SCO2: variants seen among roughly 807,000 people sequenced by gnomAD.
The protein encoded by SCO2 is cytochrome c oxidase assembly factor SCO2.
For synonymous variants in SCO2, 195 were observed against 148.6 expected, an observed-to-expected ratio of 1.31 and a Z score of -2.27; for missense variants, 429 against 348.7, an observed-to-expected ratio of 1.23 and a Z score of -1.83.
chr22:50,525,153 C>A (rs1316090271), intron 1 of SCO2, among the ~76,000 whole-genome samples: 1 of 152,242 alleles, frequency 6.6e-6, no homozygotes, highest in Non-Finnish European at 1.5e-5. Flanking sequence ...CTGCTGAGGG[C>A]ACCCTCCCGA....
At chr22:50,524,816 AACCGAT>A in intron 1 of SCO2, 1 of 382,348 alleles carries the variant, frequency 2.6e-6, no homozygotes, top group South Asian at 1.9e-5. Context: ...CCCCGAGAGC[AACCGAT>A]TCCTCCAACA....
chr22:50,525,825 G>T, upstream of SCO2: 1 of 1,609,938 alleles, frequency 6.2e-7, no homozygotes, highest in Non-Finnish European at 8.5e-7. Flanking sequence ...GGCGAATGGC[G>T]CGCGGTCGGA....
Position 50,524,180 on chromosome 22 carries a change from G to C in SCO2, c.232C>G (p.Leu78Val), listed in dbSNP as rs149244312. Reference protein sequence around the residue: ...GAGLGGAWLALRAEKERLQQQ... With the variant: ...GAGLGGAWLAVRAEKERLQQQ... The stretch of plus-strand genomic sequence containing the variant: ...TGCAGCCTCTCCTTCTCAGCCCTCA[G>C]GGCCAGCCAGGCCCCACCGAGTCCA... The change falls in exon 2 of 2, where the codon CTG (leucine) becomes GTG (valine). Residue 78 changes from leucine (L) to valine (V), a missense_variant. Transcript: ENST00000395693. The C allele has an allele frequency of 1.2e-6, 2 of 1,609,370 alleles. No individual in the cohort carries two copies. Among genetic ancestry groups the C allele is most frequent in the African/African-American group, 2.7e-5 (2 of 74,926 alleles).
upstream of SCO2, chr22:50,526,433 G>A (rs131804): frequency 0.57 from 855,776 of 1,505,476 alleles, 246,359 homozygotes; most frequent in East Asian, 0.71. Context: ...CAGCGCCCTG[G>A]GCCTGAGTCC....
rs1352064111 is a variant in SCO2, at chr22:50,524,681, C to G, written c.-13-257G>C. 8.9e-6 allele frequency: 6 copies of G among 676,140 alleles called. No homozygotes were observed. The Admixed American group carries it at 1.2e-4, about 14-fold the overall frequency. The allele number at this position is 676,140 out of a possible 1,614,324, so 41.9% of individuals were successfully genotyped here. A position where few individuals can be genotyped will look rare whatever the true frequency, so the allele number is the denominator to read the frequency against. On this transcript the variant is annotated intron_variant, in intron 1 of 1. Transcript: ENST00000395693. ...CGCACCCTGCCCTGCACCTGCACCT[C>G]AGCAAGGTGAACCTCTTGCTGACGG...
intron 1 of SCO2, 143 bp downstream of exon 1, chr22:50,525,329 G>A (rs2069298115): frequency 4.1e-6 from 1 of 243,848 alleles, no homozygotes; most frequent in Non-Finnish European, 8.1e-6. Context: ...GCCTCCCACG[G>A]GCGCCCCAGC....
At chr22:50,526,097 GCAGCACCAGCGC>G, upstream of SCO2, 2 of 1,489,824 alleles carry the variant, frequency 1.3e-6, no homozygotes, top group Non-Finnish European at 1.8e-6. Flanking sequence ...CCGAGCTCGT[GCAGCACCAGCGC>G]CAGCGGCAGC....
upstream of SCO2, chr22:50,525,815 G>C: frequency 6.2e-7 from 1 of 1,610,452 alleles, no homozygotes; most frequent in Admixed American, 1.7e-5. Flanking sequence ...GCGAGGGGGC[G>C]GCGAATGGCG....
chr22:50,524,736 A>G (rs569665103), intron 1 of SCO2: 2 of 563,434 alleles, frequency 3.5e-6, no homozygotes, highest in Middle Eastern at 2.8e-4. Flanking sequence ...CCTTGCCTGA[A>G]CTAACCACGT....
chr22:50,523,811 C>T lies in SCO2; in HGVS notation c.601G>A (p.Ala201Thr), dbSNP rs772385588. ...TAGTACACGCGGTAACTGTGACTAG[C>T]CTGGGCAACCTGTTTGGTGGAGCCG... The part of the protein sequence containing the change: ...LTGSTKQVAQ[A>T]SHSYRVYYNA... The change falls in exon 2 of 2, where the codon GCT becomes ACT. Residue 201 changes from alanine (A) to threonine (T), a missense_variant. Transcript: ENST00000395693. 4 of 1,614,150 alleles carry T rather than the reference C, an allele frequency of 2.5e-6. No individual in the cohort carries two copies. The highest frequency in any genetic ancestry group is 1.7e-5 in the Admixed American group (1 of 60,022).
At chr22:50,526,174 G>A (rs747863760), upstream of SCO2, 10 of 1,467,678 alleles carry the variant, frequency 6.8e-6, no homozygotes, top group African/African-American at 7.3e-5. Context: ...GCGCGGGCTC[G>A]GGAAGGGGCG....
upstream of SCO2, chr22:50,525,962 G>A: frequency 1.4e-6 from 2 of 1,390,950 alleles, no homozygotes; most frequent in Non-Finnish European, 1.8e-6. Context: ...CCGGAGCTGG[G>A]CGGGGGTGCG....
rs2069183505 is a variant in SCO2 at position 50,523,595 on chromosome 22, C to T, written c.*16G>A. The T allele has an allele frequency of 6.2e-7, 1 of 1,612,168 alleles. No homozygotes were observed. The highest frequency in any genetic ancestry group is 1.7e-5 in the Admixed American group (1 of 59,996). On this transcript the variant is annotated 3_prime_UTR_variant, in exon 2 of 2. Transcript: ENST00000395693. ...AAACGCAGCCCGTTTAATGATGGGG[C>T]CCAGACTGCAGTGGCTCAAGACAGG...
Position 50,524,240 on chromosome 22 carries a change from G to C in SCO2, c.172C>G (p.Arg58Gly), listed in dbSNP as rs745534256. The C allele has an allele frequency of 4.4e-6, 7 of 1,606,320 alleles. No individual in the cohort carries two copies. Among genetic ancestry groups the C allele is most frequent in the Non-Finnish European group, 5.1e-6 (6 of 1,179,852 alleles). ...GQGQPQGPGL[R>G]TRLLITGLFG... ...AGGCCTGTGATCAGCAGCCGGGTTCGAAGCCCAGGGCCCTGGGGCTGGCCC... is the reference window on the plus strand; with the variant it reads ...AGGCCTGTGATCAGCAGCCGGGTTCCAAGCCCAGGGCCCTGGGGCTGGCCC... Residue 58 changes from arginine (R) to glycine (G), a missense_variant, in exon 2 of 2, where the codon CGA becomes GGA. Arg to Gly is a moderately radical substitution (Grantham distance 125, BLOSUM62 -2). Transcript: ENST00000395693.
intron 1 of SCO2, chr22:50,524,825 C>T: frequency 2.7e-6 from 1 of 376,422 alleles, no homozygotes; most frequent in Non-Finnish European, 5.3e-6. Context: ...CAACCGATTC[C>T]TCCAACACTT....
chr22:50,525,665 G>A, upstream of SCO2: 1 of 1,516,784 alleles, frequency 6.6e-7, no homozygotes, highest in Non-Finnish European at 8.9e-7. Context: ...GCGGAAGGCG[G>A]AGCCCGCCGG....
At chr22:50,526,208 G>C, upstream of SCO2, 1 of 1,494,472 alleles carries the variant, frequency 6.7e-7, no homozygotes, top group Non-Finnish European at 8.9e-7. Flanking sequence ...GGAAGGGGAT[G>C]GCGGAGGCGG....
upstream of SCO2, chr22:50,525,750 G>T (rs113234862): frequency 3.7e-6 from 6 of 1,608,806 alleles, no homozygotes; most frequent in African/African-American, 4.0e-5. Context: ...GCACTGACAA[G>T]GTTTCGCGGC....
chr22:50,526,244 A>T (rs770277446), upstream of SCO2: 1 of 1,540,414 alleles, frequency 6.5e-7, no homozygotes, highest in Non-Finnish European at 8.7e-7. Flanking sequence ...CCCGACGCTC[A>T]CCATCTGCGG....
Sources: gnomAD v4.1 joint callset for allele counts (sites outside exome capture counted in the v4.1 genomes callset) on GRCh38, gnomAD v4.1.1 for gene constraint, MANE v1.5 for transcripts, NCBI Gene and HGNC (gene_info 2026-07-23, HGNC 2026-07-21) for gene names.